DAB1: variants seen among roughly 807,000 people sequenced by gnomAD.
The protein encoded by DAB1 is DAB adaptor protein 1, also known as disabled homolog 1.
A neutral mutation model predicts 64.6 loss-of-function variants in DAB1; 15 were observed. The ratio of observed to expected loss-of-function variants is 0.23; its 90% CI spans 0.16 to 0.36. The LOEUF (loss-of-function observed/expected upper bound fraction) is 0.36. Among genes scored for constraint, DAB1 ranks in the 10% least tolerant of loss-of-function variants. The pLI is 1.00. For missense variants in DAB1, 596 were observed against 706.7 expected (o/e 0.84, Z 1.78); for synonymous variants, 235 against 251.9 (o/e 0.93, Z 0.64).
intron 3 of DAB1, among the ~76,000 whole-genome samples, chr1:58,475,385 C>G (rs1645408736): frequency 6.6e-6 from 1 of 152,034 alleles, no homozygotes; most frequent in Non-Finnish European, 1.5e-5. Context: ...TGGTCTGAAA[C>G]TCCTGACCTC....
chr1:57,524,030 T>A (rs1249036054), intron 7 of DAB1, among the ~76,000 whole-genome samples: 1 of 152,152 alleles, frequency 6.6e-6, no homozygotes, highest in Admixed American at 6.6e-5. Flanking sequence ...TAAAAGGGTT[T>A]GAAGATAAAG....
chr1:58,211,177 A>C (rs975498354), intron 4 of DAB1, among the ~76,000 whole-genome samples: 1 of 152,158 alleles, frequency 6.6e-6, no homozygotes, highest in Non-Finnish European at 1.5e-5. Flanking sequence ...AAAATGTCTT[A>C]AGAGCCATCT....
chr1:57,541,445 A>C (rs558169657), intron 7 of DAB1, among the ~76,000 whole-genome samples: 227 of 152,304 alleles, frequency 1.5e-3, no homozygotes, highest in Non-Finnish European at 2.6e-3. Context: ...AACTTTAAAA[A>C]TTCCTATTCT....
intron 7 of DAB1, among the ~76,000 whole-genome samples, chr1:57,562,965 A>T (rs1387353719): frequency 6.6e-6 from 1 of 152,166 alleles, no homozygotes; most frequent in Non-Finnish European, 1.5e-5. Flanking sequence ...ATATATATAT[A>T]AATAGGAGGC....
chr1:57,233,856 T>A (rs1380813133), intron 2 of DAB1, among the ~76,000 whole-genome samples: 4 of 151,790 alleles, frequency 2.6e-5, no homozygotes, highest in Admixed American at 6.6e-5. Context: ...TACTTGGAGG[T>A]GAGTGGGGAG....
chr1:57,962,012 A>G (rs1303425967), intron 5 of DAB1, among the ~76,000 whole-genome samples: 1 of 152,078 alleles, frequency 6.6e-6, no homozygotes, highest in Non-Finnish European at 1.5e-5. Context: ...GAGGGAGCCA[A>G]CTGAACTTGG....
chr1:57,077,958 G>A (rs1284438419), intron 4 of DAB1, among the ~76,000 whole-genome samples: 2 of 152,042 alleles, frequency 1.3e-5, no homozygotes, highest in South Asian at 4.1e-4. Flanking sequence ...GAGAGACACA[G>A]AATAAAAATA....
intron 6 of DAB1, among the ~76,000 whole-genome samples, chr1:57,800,926 T>A (rs559604867): frequency 6.6e-6 from 1 of 152,198 alleles, no homozygotes; most frequent in Non-Finnish European, 1.5e-5. Flanking sequence ...TTCATCTATA[T>A]ACACAGGCAT....
chr1:57,490,010 G>A (rs1383970153), intron 7 of DAB1, among the ~76,000 whole-genome samples: 2 of 152,140 alleles, frequency 1.3e-5, no homozygotes, highest in Non-Finnish European at 2.9e-5. Context: ...CCTTCTAAAA[G>A]GGGCCCAAGA....
At chr1:57,123,238 T>C (rs1014762499) in intron 4 of DAB1, among the ~76,000 whole-genome samples, 6 of 152,112 alleles carry the variant, frequency 3.9e-5, no homozygotes, top group Non-Finnish European at 8.8e-5. Flanking sequence ...TTGGGAATGA[T>C]AGGCCAAGTC....
At chr1:58,415,081 G>C (rs1052422258) in intron 3 of DAB1, among the ~76,000 whole-genome samples, 1 of 152,096 alleles carries the variant, frequency 6.6e-6, no homozygotes, top group Non-Finnish European at 1.5e-5. Context: ...ATTAAGATTA[G>C]CTGAGGTCAG....
intron 5 of DAB1, among the ~76,000 whole-genome samples, chr1:57,918,921 G>A (rs1363220835): frequency 1.3e-5 from 2 of 152,194 alleles, no homozygotes; most frequent in Non-Finnish European, 2.9e-5. Flanking sequence ...CACCACATTG[G>A]AGGTCACATT....
chr1:57,900,295 G>A (rs779559779), intron 5 of DAB1, among the ~76,000 whole-genome samples: 1 of 152,214 alleles, frequency 6.6e-6, no homozygotes, highest in Non-Finnish European at 1.5e-5. Context: ...GGGTGAGCAA[G>A]ATGGCACACA....
intron 7 of DAB1, among the ~76,000 whole-genome samples, chr1:57,437,748 G>C (rs951700720): frequency 6.6e-6 from 1 of 152,162 alleles, no homozygotes; most frequent in African/African-American, 2.4e-5. Context: ...AAGGGAATTT[G>C]TGAAGGATTC....
intron 7 of DAB1, among the ~76,000 whole-genome samples, chr1:57,467,739 A>G (rs1421279485): frequency 3.3e-5 from 5 of 152,208 alleles, no homozygotes; most frequent in African/African-American, 1.2e-4. Flanking sequence ...TACTCTCACT[A>G]TCATTGGGTG....
At chr1:57,861,814 T>C (rs1478368563) in intron 1 of DAB1, among the ~76,000 whole-genome samples, 2 of 149,760 alleles carry the variant, frequency 1.3e-5, no homozygotes, top group South Asian at 2.1e-4. Flanking sequence ...ATATAATATG[T>C]ATTAAATATG....
chr1:57,766,330 C>T (rs1649309931), intron 6 of DAB1, among the ~76,000 whole-genome samples: 1 of 151,732 alleles, frequency 6.6e-6, no homozygotes, highest in Non-Finnish European at 1.5e-5. Context: ...ATCAGTCCTT[C>T]ATTCCTCTGC....
intron 5 of DAB1, among the ~76,000 whole-genome samples, chr1:58,029,955 T>C (rs1646947491): frequency 6.6e-6 from 1 of 152,074 alleles, no homozygotes; most frequent in South Asian, 2.1e-4. Context: ...ACTATAATCC[T>C]GGGACTTTGG....
intron 3 of DAB1, among the ~76,000 whole-genome samples, chr1:58,459,699 C>G (rs544982825): frequency 6.6e-6 from 1 of 152,170 alleles, no homozygotes; most frequent in Non-Finnish European, 1.5e-5. Context: ...GTCACAGGGC[C>G]GGGTATGGTG....
Sources: allele counts gnomAD v4.1 joint callset (sites outside exome capture counted in the v4.1 genomes callset), GRCh38; gene constraint gnomAD v4.1.1; transcripts MANE v1.5; gene names NCBI Gene and HGNC (gene_info 2026-07-23, HGNC 2026-07-21).